TBCEL: variants seen among roughly 807,000 people sequenced by gnomAD.
The protein encoded by TBCEL is tubulin-specific chaperone cofactor E-like protein.
TBCEL carries 15 observed loss-of-function variants against 44.2 expected under a neutral mutation model. The observed-to-expected ratio is 0.34, with a 90% confidence interval of 0.23 to 0.52. The LOEUF (loss-of-function observed/expected upper bound fraction) is 0.52. Ranked by LOEUF, TBCEL falls within the 20% of genes least tolerant of loss-of-function variation. The probability of loss-of-function intolerance (pLI) is 0.95; values close to 1 mark genes in which losing one functional copy is unlikely to be tolerated. For synonymous variants in TBCEL, 171 were observed against 185.4 expected (o/e 0.92, Z 0.63); for missense variants, 319 against 506.3 (o/e 0.63, Z 3.55).
chr11:121,057,565 TCATC>T (rs913659526), intron 6 of TBCEL: 6 of 454,480 alleles, frequency 1.3e-5, no homozygotes, highest in African/African-American at 1.2e-4. Context: ...TTCATGGACT[TCATC>T]CATGCATTCA....
chr11:121,029,087 G>A (rs1007729023), intron 1 of TBCEL, among the ~76,000 whole-genome samples: 1 of 152,032 alleles, frequency 6.6e-6, no homozygotes, highest in Non-Finnish European at 1.5e-5. Flanking sequence ...TTGTGTTTGT[G>A]CAGATGCTTT....
At chr11:121,045,915 ATTTTT>A (rs1945422155) in intron 3 of TBCEL, 92 bp downstream of exon 3, 5 of 1,310,260 alleles carry the variant, frequency 3.8e-6, no homozygotes, top group Admixed American at 3.0e-5. Context: ...GATTTATTTT[ATTTTT>A]AATTACAGTC....
In TBCEL at chr11:121,089,118, G is replaced by T. The variant is rs1329187204; in HGVS notation, c.*2022G>T. 2.0e-5 allele frequency: 3 copies of T among 152,154 alleles called. No individual in the cohort carries two copies. Among genetic ancestry groups the T allele is most frequent in the African/African-American group, 7.2e-5 (3 of 41,432 alleles). The allele number at this position is 152,154 out of a possible 1,614,324, so 9.4% of individuals were successfully genotyped here. A position where few individuals can be genotyped will look rare whatever the true frequency, so the allele number is the denominator to read the frequency against. On this transcript the variant is annotated 3_prime_UTR_variant, in exon 9 of 9. Transcript: ENST00000683345. ...GAGAAAAAGTGTAATTGAGCCCTTT[G>T]CTTTTGTCAGCCTGGGAAACAGATG...
chr11:121,051,768 G>A (rs1419863504), intron 4 of TBCEL, among the ~76,000 whole-genome samples: 3 of 151,724 alleles, frequency 2.0e-5, no homozygotes, highest in African/African-American at 4.8e-5. Context: ...GATAAAAATG[G>A]TACCCACTTT....
chr11:121,027,781 C>A (rs1475071856), intron 1 of TBCEL, among the ~76,000 whole-genome samples: 1 of 152,038 alleles, frequency 6.6e-6, no homozygotes, highest in Non-Finnish European at 1.5e-5. Context: ...TTATTTTTAT[C>A]CCTTTTAGAT....
chr11:121,026,966 A>G (rs987665972), intron 1 of TBCEL, among the ~76,000 whole-genome samples: 1 of 152,176 alleles, frequency 6.6e-6, no homozygotes, highest in Non-Finnish European at 1.5e-5. Flanking sequence ...GTCCACCTGT[A>G]GCAGGCTCTT....
chr11:121,038,367 A>G (rs1338757812), intron 2 of TBCEL, among the ~76,000 whole-genome samples: 2 of 152,180 alleles, frequency 1.3e-5, no homozygotes, highest in Admixed American at 1.3e-4. Context: ...TATGTAACAT[A>G]TACATATGCT....
intron 2 of TBCEL, among the ~76,000 whole-genome samples, chr11:121,042,447 A>G (rs1440323959): frequency 6.6e-6 from 1 of 152,178 alleles, no homozygotes; most frequent in Non-Finnish European, 1.5e-5. Context: ...TGAACACAAC[A>G]CAGTTCAATT....
At chr11:121,033,135 CTT>C (rs985196930) in intron 1 of TBCEL, among the ~76,000 whole-genome samples, 3 of 152,068 alleles carry the variant, frequency 2.0e-5, no homozygotes, top group African/African-American at 4.8e-5. Flanking sequence ...AATAAAAAGA[CTT>C]TTGGGAATAC....
intron 8 of TBCEL, among the ~76,000 whole-genome samples, chr11:121,081,860 A>T (rs1197024360): frequency 6.6e-6 from 1 of 152,212 alleles, no homozygotes; most frequent in Non-Finnish European, 1.5e-5. Context: ...AGTAAATCAC[A>T]ACTCTAGTAC....
chr11:121,055,794 A>AT (rs1945609472), intron 6 of TBCEL, among the ~76,000 whole-genome samples: 2 of 151,752 alleles, frequency 1.3e-5, no homozygotes, highest in Non-Finnish European at 2.9e-5. Flanking sequence ...GATAAACTTT[A>AT]TTTTTTAGAA....
intron 8 of TBCEL, among the ~76,000 whole-genome samples, chr11:121,068,956 C>A (rs900011197): frequency 6.6e-6 from 1 of 151,720 alleles, no homozygotes; most frequent in Non-Finnish European, 1.5e-5. Flanking sequence ...CAAGCACACT[C>A]CCTCCTCAGG....
chr11:121,081,293 A>G (rs1352247242), intron 8 of TBCEL, among the ~76,000 whole-genome samples: 2 of 152,140 alleles, frequency 1.3e-5, no homozygotes, highest in African/African-American at 4.8e-5. Context: ...TTAGAAGGTC[A>G]TGGTGGAATG....
chr11:121,049,517 G>A (rs1945491328), intron 4 of TBCEL, among the ~76,000 whole-genome samples: 1 of 151,636 alleles, frequency 6.6e-6, no homozygotes, highest in Non-Finnish European at 1.5e-5. Flanking sequence ...ATTAACATAT[G>A]CAAATTTATA....
intron 2 of TBCEL, among the ~76,000 whole-genome samples, chr11:121,043,157 A>T (rs2134912833): frequency 6.6e-6 from 1 of 151,900 alleles, no homozygotes; most frequent in East Asian, 1.9e-4. Flanking sequence ...ATGTAGTCAG[A>T]ACTGGGTGGG....
intron 2 of TBCEL, among the ~76,000 whole-genome samples, chr11:121,045,285 G>T (rs1174465223): frequency 6.6e-6 from 1 of 152,052 alleles, no homozygotes; most frequent in African/African-American, 2.4e-5. Context: ...AGATATTAAA[G>T]GATTCATCCA....
At chr11:121,046,877 C>T (rs1945440301) in intron 3 of TBCEL, among the ~76,000 whole-genome samples, 1 of 152,006 alleles carries the variant, frequency 6.6e-6, no homozygotes, top group Non-Finnish European at 1.5e-5. Flanking sequence ...CACTTTCTTC[C>T]ATTACAGTTA....
intron 3 of TBCEL, 144 bp from the exon 4 acceptor site, chr11:121,047,384 G>T: frequency 2.1e-6 from 2 of 962,316 alleles, no homozygotes; most frequent in Non-Finnish European, 3.1e-6. Flanking sequence ...AGTACCCTTT[G>T]GTCCCATTAT....
At chr11:121,075,882 T>C (rs1307715431) in intron 8 of TBCEL, among the ~76,000 whole-genome samples, 1 of 151,988 alleles carries the variant, frequency 6.6e-6, no homozygotes, top group African/African-American at 2.4e-5. Flanking sequence ...TGGGGTAGGA[T>C]ACGGATTAAG....
Sources: allele counts gnomAD v4.1 joint callset (sites outside exome capture counted in the v4.1 genomes callset), GRCh38; gene constraint gnomAD v4.1.1; transcripts MANE v1.5; gene names NCBI Gene and HGNC (gene_info 2026-07-23, HGNC 2026-07-21).